Variants in COL8A1 observed in about 807,000 individuals in gnomAD.
COL8A1 encodes collagen alpha-1(VIII) chain.
In COL8A1, 21 loss-of-function variants were observed where a neutral mutation model predicts 42.7. The ratio of observed to expected loss-of-function variants is 0.49; its 90% CI spans 0.35 to 0.71. The LOEUF (loss-of-function observed/expected upper bound fraction) is 0.71. Ranked by LOEUF, COL8A1 falls within the 30% of genes least tolerant of loss-of-function variation. COL8A1 has a pLI of 0.01. For missense variants in COL8A1, 788 were observed against 962.4 expected (o/e 0.82, Z 2.40); for synonymous variants, 367 against 369.1 (o/e 0.99, Z 0.06).
At chr3:99,706,166 T>C (rs1939675854) in intron 1 of COL8A1, among the ~76,000 whole-genome samples, 1 of 152,138 alleles carries the variant, frequency 6.6e-6, no homozygotes. Context: ...TACTCCACTA[T>C]ACACCCCACA....
chr3:99,670,765 C>T (rs1025442188), intron 1 of COL8A1, among the ~76,000 whole-genome samples: 6 of 152,060 alleles, frequency 3.9e-5, no homozygotes, highest in African/African-American at 1.4e-4. Flanking sequence ...TTTCCTCCCT[C>T]CCCATACCCT....
chr3:99,778,428 A>T (rs1005433943), intron 2 of COL8A1, among the ~76,000 whole-genome samples: 5 of 152,230 alleles, frequency 3.3e-5, no homozygotes, highest in Non-Finnish European at 1.5e-5. Flanking sequence ...TAAATTGCAT[A>T]TTCAGACTGG....
At chr3:99,793,855 G>C (rs531274142) in intron 3 of COL8A1, among the ~76,000 whole-genome samples, 2 of 152,224 alleles carry the variant, frequency 1.3e-5, no homozygotes, top group South Asian at 4.2e-4. Flanking sequence ...GGGTTCAAGT[G>C]ATTCTCCTGC....
intron 2 of COL8A1, among the ~76,000 whole-genome samples, chr3:99,771,245 T>C (rs1423517012): frequency 1.3e-5 from 2 of 152,188 alleles, no homozygotes; most frequent in African/African-American, 4.8e-5. Flanking sequence ...GGAGGGTTTT[T>C]AAAAGAATGC....
In COL8A1 at chr3:99,795,563, C is replaced by A. The variant is rs765618467; in HGVS notation, c.1662C>A (p.Gly554=). The A allele has an allele frequency of 6.2e-7, 1 of 1,608,830 alleles. No individual in the cohort carries two copies. The highest frequency in any genetic ancestry group is 8.5e-7 in the Non-Finnish European group (1 of 1,177,316). The change falls in exon 4 of 4, where the codon GGC becomes GGA. Residue 554 remains glycine, a synonymous_variant. Transcript: ENST00000652472. ...AGCCTGGTGCCCTTGGTCCTCAAGG[C>A]CAGCCTGGCCTTCCAGGACCCCCAG... ...PGKPGALGPQ[G]QPGLPGPPGP...
At chr3:99,670,865 C>T (rs1232301079) in intron 1 of COL8A1, among the ~76,000 whole-genome samples, 1 of 151,846 alleles carries the variant, frequency 6.6e-6, no homozygotes, top group South Asian at 2.1e-4. Flanking sequence ...GTTTAAGGTA[C>T]TCCCATTCAC....
rs1026913512 is a variant in COL8A1, at chr3:99,656,821, A to G, written c.-129+18157A>G. On this transcript the variant is annotated intron_variant, in intron 1 of 3. Transcript: ENST00000652472. ...GAACTCTGGGTTTTGGAAGGCCAAG[A>G]GTGGAAAAATATCTTTAGCAGAAAG... Among the ~76,000 whole-genome samples the G allele has an allele frequency of 3.3e-5, 5 of 152,238 alleles. No individual in the cohort carries two copies. In the South Asian group the frequency reaches 1.0e-3, roughly 31 times the overall value.
At chr3:99,673,431 C>A (rs1379975410) in intron 1 of COL8A1, among the ~76,000 whole-genome samples, 2 of 151,992 alleles carry the variant, frequency 1.3e-5, no homozygotes, top group East Asian at 1.9e-4. Context: ...TTTCAAAATC[C>A]ATTATGGGAC....
In COL8A1 at chr3:99,783,118, T is replaced by G. The variant is rs116808013; in HGVS notation, c.-3-7562T>G. On this transcript the variant is annotated intron_variant, in intron 2 of 3. Transcript: ENST00000652472. ...GGAAAAAAGGCAATGAACTTACAGT[T>G]CGGCAGAAGAGATTCGGATTAGATA... is the stretch of plus-strand genomic sequence containing the variant. Among the ~76,000 whole-genome samples the G allele has an allele frequency of 5.6e-3, 847 of 152,324 alleles. 4 individuals carry two copies. Among genetic ancestry groups the G allele is most frequent in the Middle Eastern group, 0.017 (5 of 294 alleles).
chr3:99,733,295 C>T (rs1940582110), intron 1 of COL8A1, among the ~76,000 whole-genome samples: 2 of 145,564 alleles, frequency 1.4e-5, no homozygotes, highest in East Asian at 2.1e-4. Context: ...CTATCCCTCC[C>T]CCCTCCCCAC....
At position 99,798,028 on chromosome 3, in the gene COL8A1, T is replaced by C. The variant is rs184128848; in HGVS notation, c.*1892T>C. 6.6e-6 allele frequency: 1 copy of C among 152,254 alleles called. No individual in the cohort carries two copies. The highest frequency in any genetic ancestry group is 1.9e-4 in the East Asian group (1 of 5,182). The allele number at this position is 152,254 out of a possible 1,614,324, so 9.4% of individuals were successfully genotyped here. ...GAATCTTGTATATTTTTGTCAAAAATAAAACCATGAGTTAAGGGGATAGAT... is the reference window on the plus strand; with the variant it reads ...GAATCTTGTATATTTTTGTCAAAAACAAAACCATGAGTTAAGGGGATAGAT... On this transcript the variant is annotated 3_prime_UTR_variant, in exon 4 of 4. Coordinates refer to ENST00000652472, the MANE Select transcript of COL8A1 (RefSeq NM_020351.4).
intron 1 of COL8A1, among the ~76,000 whole-genome samples, chr3:99,706,825 A>G (rs1711557): frequency 0.79 from 119,674 of 152,102 alleles, 47,146 homozygotes; most frequent in Middle Eastern, 0.83. Flanking sequence ...GAATAATATT[A>G]GGTTTTCTTG....
intron 1 of COL8A1, among the ~76,000 whole-genome samples, chr3:99,672,033 A>G (rs1480567063): frequency 1.3e-5 from 2 of 152,064 alleles, no homozygotes; most frequent in African/African-American, 4.8e-5. Flanking sequence ...ACACTATTGA[A>G]TTATGCTGAG....
At chr3:99,764,544 A>C (rs1941422892) in intron 2 of COL8A1, among the ~76,000 whole-genome samples, 1 of 152,172 alleles carries the variant, frequency 6.6e-6, no homozygotes, top group Non-Finnish European at 1.5e-5. Flanking sequence ...CTGGAGGTAG[A>C]TTCCCTGAGC....
At chr3:99,696,239 A>C (rs1445387567) in intron 1 of COL8A1, among the ~76,000 whole-genome samples, 1 of 152,254 alleles carries the variant, frequency 6.6e-6, no homozygotes, top group Non-Finnish European at 1.5e-5. Context: ...TTATCCTGAC[A>C]TCTGATAGAC....
Position 99,669,140 on chromosome 3 carries a change from T to G in COL8A1, c.-129+30476T>G, listed in dbSNP as rs185982672. On this transcript the variant is annotated intron_variant, in intron 1 of 3. Coordinates refer to ENST00000652472, the MANE Select transcript of COL8A1 (RefSeq NM_020351.4). Reference sequence around the variant, plus strand: ...TAAAAAAATTATATATATATATATATATATATAGAGGGAGAGAGAGAGAGA... The same window carrying G: ...TAAAAAAATTATATATATATATATAGATATATAGAGGGAGAGAGAGAGAGA... Among the ~76,000 whole-genome samples the G allele has an allele frequency of 8.3e-3, 827 of 100,144 alleles. 23 individuals are homozygous for G. The highest frequency in any genetic ancestry group is 0.027 in the African/African-American group (725 of 27,148). 65.7% of individuals were successfully genotyped at this position (100,144 alleles called of 152,430 possible). A position where few individuals can be genotyped will look rare whatever the true frequency, so the allele number is the denominator to read the frequency against.
chr3:99,683,331 T>C (rs1226204395), intron 1 of COL8A1, among the ~76,000 whole-genome samples: 1 of 151,952 alleles, frequency 6.6e-6, no homozygotes, highest in African/African-American at 2.4e-5. Context: ...TGTTAAAGAA[T>C]GATTGAATAA....
intron 1 of COL8A1, among the ~76,000 whole-genome samples, chr3:99,683,034 C>T (rs1016494807): frequency 4.6e-5 from 7 of 152,148 alleles, no homozygotes; most frequent in African/African-American, 1.4e-4. Flanking sequence ...GAAAAATCAC[C>T]AGTAGGGTCA....
intron 1 of COL8A1, among the ~76,000 whole-genome samples, chr3:99,741,745 A>C (rs1406928235): frequency 6.6e-6 from 1 of 152,118 alleles, no homozygotes; most frequent in Admixed American, 6.5e-5. Context: ...CCAAAAAACA[A>C]TGTTCCAGCA....
Sources: allele counts gnomAD v4.1 joint callset (sites outside exome capture counted in the v4.1 genomes callset), GRCh38; gene constraint gnomAD v4.1.1; transcripts MANE v1.5; gene names NCBI Gene and HGNC (gene_info 2026-07-23, HGNC 2026-07-21).